The following MCM8 variants were observed in gnomAD, a reference collection of about 807,000 sequenced individuals.
MCM8 encodes the protein DNA helicase MCM8.
In MCM8, 85 loss-of-function variants were observed where a neutral mutation model predicts 98.9. The ratio of observed to expected loss-of-function variants is 0.86; its 90% confidence interval spans 0.72 to 1.03. MCM8 has a LOEUF of 1.03. MCM8 is among the 50% of genes least tolerant of loss of function. MCM8 has a pLI of 0.00. For synonymous variants in MCM8, 352 were observed against 338.6 expected (o/e 1.04, Z -0.44); for missense variants, 951 against 997.8 (o/e 0.95, Z 0.63).
At chr20:5,972,658 A>T in intron 11 of MCM8, 1 of 843,298 alleles carries the variant, frequency 1.2e-6, no homozygotes, top group Non-Finnish European at 1.7e-6. Context: ...AAGTTCAAAC[A>T]GTTCTCCCAC....
At chr20:5,988,878 C>G (rs962371681) in intron 17 of MCM8, among the ~76,000 whole-genome samples, 20 of 151,566 alleles carry the variant, frequency 1.3e-4, no homozygotes, top group Non-Finnish European at 2.8e-4. Flanking sequence ...TGGTTTTGCC[C>G]AGCTATTCCC....
intron 3 of MCM8, among the ~76,000 whole-genome samples, chr20:5,953,608 G>C (rs1044186719): frequency 1.3e-5 from 2 of 152,080 alleles, no homozygotes; most frequent in East Asian, 1.9e-4. Context: ...CGAGTAGCTG[G>C]GACTACAGGC....
chr20:5,979,061 G>C (rs894187314), intron 13 of MCM8, among the ~76,000 whole-genome samples: 3 of 152,212 alleles, frequency 2.0e-5, no homozygotes, highest in Non-Finnish European at 2.9e-5. Flanking sequence ...GTGTCAGGCA[G>C]TGTCCAGATT....
chr20:5,990,232 G>A (rs1430019722), intron 17 of MCM8, among the ~76,000 whole-genome samples: 2 of 152,162 alleles, frequency 1.3e-5, no homozygotes, highest in African/African-American at 2.4e-5. Flanking sequence ...CTGCCACCAC[G>A]CCCAGCTAAT....
intron 12 of MCM8, among the ~76,000 whole-genome samples, chr20:5,977,193 G>A (rs1473955527): frequency 1.3e-5 from 2 of 152,218 alleles, no homozygotes; most frequent in Non-Finnish European, 2.9e-5. Flanking sequence ...CTAGAATTGG[G>A]CAGTGCACTG....
chr20:5,963,309 T>A lies in MCM8; in HGVS notation c.825T>A (p.Thr275=). The change falls in exon 8 of 19, where the codon ACT becomes ACA. Residue 275 remains threonine, a synonymous_variant. Coordinates refer to ENST00000610722, the MANE Select transcript of MCM8 (RefSeq NM_032485.6). The part of the protein sequence containing the change: ...PVPVCRGRSF[T]ALRSSPLTVT... ...CTGTGTGTCGAGGCAGGTCATTTAC[T>A]GCTCTCCGCAGCTCTCCTCTCACAG... The A allele has an allele frequency of 6.2e-7, 1 of 1,614,148 alleles. No homozygotes were observed. The highest frequency in any genetic ancestry group is 1.1e-5 in the South Asian group (1 of 91,084).
intron 17 of MCM8, among the ~76,000 whole-genome samples, chr20:5,988,104 T>A (rs1375394578): frequency 3.3e-5 from 5 of 152,154 alleles, no homozygotes; most frequent in South Asian, 4.1e-4. Flanking sequence ...TAGTTTTTTT[T>A]ATTCCAGATA....
intron 10 of MCM8, among the ~76,000 whole-genome samples, chr20:5,971,114 A>G (rs6117020): frequency 0.064 from 9,785 of 152,146 alleles, 631 homozygotes; most frequent in African/African-American, 0.17. Context: ...CTGTAAACCA[A>G]AAATAAAATT....
chr20:5,967,363 C>T lies in MCM8; in HGVS notation c.876-73C>T, dbSNP rs940188542. The T allele has an allele frequency of 3.7e-5, 51 of 1,361,678 alleles. 1 individual carries two copies. The African/African-American group carries it at 5.8e-4, about 15-fold the overall frequency. The allele number at this position is 1,361,678 out of a possible 1,614,324, so 84.3% of individuals were successfully genotyped here. A position where few individuals can be genotyped will look rare whatever the true frequency, so the allele number is the denominator to read the frequency against. On this transcript the variant is annotated intron_variant, in intron 8 of 18. Coordinates refer to ENST00000610722, the MANE Select transcript of MCM8 (RefSeq NM_032485.6). ...TTTATCTTCCTCAGCATCATGTGAA[C>T]CCTGAATAGTTAATATCTTGCAGAA...
At chr20:5,954,468 A>G in intron 3 of MCM8, 140 bp from the exon 4 acceptor site, 1 of 513,494 alleles carries the variant, frequency 1.9e-6, no homozygotes, top group Non-Finnish European at 3.5e-6. Flanking sequence ...ATTCTATACT[A>G]GTTCTTATAT....
chr20:5,951,140 T>A (rs1348981384), intron 1 of MCM8, 117 bp downstream of exon 1: 1 of 152,278 alleles, frequency 6.6e-6, no homozygotes, highest in Admixed American at 6.5e-5. Flanking sequence ...TTTGAATTTG[T>A]TACTGTTCTC....
chr20:5,963,711 G>T (rs1034210815), intron 8 of MCM8, among the ~76,000 whole-genome samples: 1 of 151,804 alleles, frequency 6.6e-6, no homozygotes, highest in Admixed American at 6.6e-5. Flanking sequence ...TGTATTTTTA[G>T]TAGAGGTTTA....
chr20:5,964,144 A>G (rs7272705), intron 8 of MCM8, among the ~76,000 whole-genome samples: 9,709 of 139,178 alleles, frequency 0.07, 395 homozygotes, highest in Non-Finnish European at 0.098. Flanking sequence ...TTTGCAAGTC[A>G]GAGTTTTCTT....
In MCM8 at chr20:5,979,286, A is replaced by G. The variant is rs948346670; in HGVS notation, c.1537+1269A>G. The stretch of plus-strand genomic sequence containing the variant: ...TCTCCACAACCTCTTACCTGTTGTT[A>G]ACTAAGGTGCTTAGTTCTTGGACCT... On this transcript the variant is annotated intron_variant, in intron 13 of 18. Coordinates refer to ENST00000610722, the MANE Select transcript of MCM8 (RefSeq NM_032485.6). Among the ~76,000 whole-genome samples the G allele has an allele frequency of 2.6e-5, 4 of 152,090 alleles. No individual in the cohort carries two copies. The South Asian group carries it at 8.3e-4, about 32-fold the overall frequency.
At chr20:5,980,829 G>T (rs1232734389) in intron 13 of MCM8, among the ~76,000 whole-genome samples, 1 of 149,032 alleles carries the variant, frequency 6.7e-6, no homozygotes, top group Non-Finnish European at 1.5e-5. Context: ...ACATGATGGT[G>T]CCACTGTACT....
rs1459996530 is a variant in MCM8, at chr20:5,973,204, A to G, written c.1395+8A>G. 6 of 1,613,396 alleles carry G rather than the reference A, an allele frequency of 3.7e-6. No individual in the cohort carries two copies. The highest frequency in any genetic ancestry group is 4.2e-6 in the Non-Finnish European group (5 of 1,179,734). ...AAAAGTCAAATGCTACAGGTAGACA[A>G]TCAGTCATTTAGTGTTTGTTCTTTT... On this transcript the variant is annotated splice_region_variant and intron_variant, in intron 12 of 18. Transcript: ENST00000610722.
intron 5 of MCM8, 43 bp from the exon 6 acceptor site, chr20:5,957,083 T>C: frequency 8.0e-7 from 1 of 1,252,994 alleles, no homozygotes; most frequent in Non-Finnish European, 1.2e-6. Flanking sequence ...ATAAAGAGGA[T>C]GTTTTGTTTT....
intron 7 of MCM8, among the ~76,000 whole-genome samples, chr20:5,958,938 A>G (rs539122137): frequency 5.5e-4 from 84 of 152,334 alleles, no homozygotes; most frequent in Middle Eastern, 6.8e-3. Context: ...TACATTTTTC[A>G]GCTCCGGACA....
At chr20:5,979,848 G>A (rs1054605422) in intron 13 of MCM8, among the ~76,000 whole-genome samples, 2 of 152,114 alleles carry the variant, frequency 1.3e-5, no homozygotes, top group Admixed American at 6.6e-5. Context: ...GTAACTGCCC[G>A]TCTCGCTCAG....
Sources: gnomAD v4.1 joint callset for allele counts (sites outside exome capture counted in the v4.1 genomes callset) on GRCh38, gnomAD v4.1.1 for gene constraint, MANE v1.5 for transcripts, NCBI Gene and HGNC (gene_info 2026-07-23, HGNC 2026-07-21) for gene names.